Variants in ASPG observed in about 807,000 individuals in gnomAD.
The protein encoded by ASPG is 60 kDa lysophospholipase.
In ASPG, 53 loss-of-function variants were observed where a neutral mutation model predicts 63.2. That is an observed-to-expected ratio of 0.84 (90% CI 0.67 to 1.05). ASPG has a LOEUF of 1.05. Ranked by LOEUF, ASPG falls within the 50% of genes least tolerant of loss-of-function variation. ASPG has a pLI of 0.00. For synonymous variants in ASPG, 370 were observed against 355.0 expected (o/e 1.04, Z -0.48); for missense variants, 741 against 794.4 (o/e 0.93, Z 0.81).
intron 1 of ASPG, 52 bp from the exon 2 acceptor site, chr14:104,092,581 G>A (rs932651044): frequency 1.3e-5 from 19 of 1,430,444 alleles, no homozygotes; most frequent in Admixed American, 7.9e-5. Context: ...GGGAGGAGGC[G>A]GCCATGGCTG....
Position 104,110,046 on chromosome 14 carries a change from T to C in ASPG, c.1520+731T>C. On this transcript the variant is annotated intron_variant, in intron 13 of 15. Transcript: ENST00000551177. This position sits in a 1 kb window ranked among gnomAD's most constrained non-coding sequence, Gnocchi z 4.7. ...AATCGCTGCCCCCCACCCCATGCCT[T>C]GTGCCTGGTGACTTGGCGCTGCCTC... 6.1e-6 allele frequency: 6 copies of C among 985,388 alleles called. No homozygotes were observed. Among genetic ancestry groups the C allele is most frequent in the Non-Finnish European group, 7.2e-6 (6 of 829,908 alleles). 61.0% of individuals were successfully genotyped at this position (985,388 alleles called of 1,614,324 possible).
intron 4 of ASPG, 107 bp from the exon 5 acceptor site, chr14:104,097,447 G>A (rs934641548): frequency 1.4e-5 from 16 of 1,131,246 alleles, no homozygotes; most frequent in Admixed American, 2.5e-5. Flanking sequence ...TCCCACACCC[G>A]CCTGGGGCTC....
chr14:104,097,524 G>A, intron 4 of ASPG, 30 bp from the exon 5 acceptor site: 3 of 1,546,000 alleles, frequency 1.9e-6, no homozygotes, highest in South Asian at 2.4e-5. Flanking sequence ...GGCTTCCCAG[G>A]CCTCAGCTAC....
At position 104,107,275 on chromosome 14, in the gene ASPG, CAG is replaced by C. The variant is rs1402517287; in HGVS notation, c.1368_1369del (p.Gly457CysfsTer69). On this transcript the variant is annotated frameshift_variant, in exon 12 of 16. Transcript: ENST00000551177. LOFTEE classifies it high-confidence loss of function. ...CACAGAGGCAGTCACCATGCTGCTG[CAG>C]AGAGGTGTGGACGTGAACACCCGGG... is the stretch of plus-strand genomic sequence containing the variant. ...GHTEAVTMLL[Q>X]RGVDVNTRDT... 3 of 1,609,356 alleles carry C rather than the reference CAG, an allele frequency of 1.9e-6. No individual in the cohort carries two copies. Among genetic ancestry groups the C allele is most frequent in the African/African-American group, 2.7e-5 (2 of 74,944 alleles).
At chr14:104,105,699 G>A (rs973857011) in intron 10 of ASPG, among the ~76,000 whole-genome samples, 11 of 152,226 alleles carry the variant, frequency 7.2e-5, no homozygotes, top group South Asian at 2.1e-4. Context: ...TCTGACTGGC[G>A]GCGCTGCCTT....
intron 1 of ASPG, among the ~76,000 whole-genome samples, chr14:104,088,784 G>A (rs78757355): frequency 0.013 from 2,011 of 152,258 alleles, 12 homozygotes; most frequent in Middle Eastern, 0.017. Context: ...TGACAGTGGG[G>A]CCCATTGTCT....
At chr14:104,108,495 G>T (rs951396912) in intron 12 of ASPG, 5 of 985,340 alleles carry the variant, frequency 5.1e-6, no homozygotes, top group Non-Finnish European at 6.0e-6. Flanking sequence ...CCTGAGTGGG[G>T]TATGGGGAGG....
intron 4 of ASPG, among the ~76,000 whole-genome samples, chr14:104,096,941 G>A (rs1054724969): frequency 7.2e-5 from 11 of 152,206 alleles, no homozygotes; most frequent in African/African-American, 2.2e-4. Flanking sequence ...CCTGGGACGC[G>A]CTGTTCAGTC....
chr14:104,106,955 C>G, intron 11 of ASPG, 61 bp downstream of exon 11: 3 of 1,487,722 alleles, frequency 2.0e-6, no homozygotes, highest in Non-Finnish European at 2.7e-6. Context: ...GGCTCTGAAC[C>G]CTGTAGGCAG....
At position 104,092,743 on chromosome 14, in the gene ASPG, T is replaced by A; in HGVS notation, c.191+2T>A. ...CTCTGAGGACACCCTGGTGCTACCG[T>A]GAGTGTGGGCTCCTCCCAGTCCCGG... is the stretch of plus-strand genomic sequence containing the variant. On this transcript the variant is annotated splice_donor_variant, in intron 2 of 15. Coordinates refer to ENST00000551177, the MANE Select transcript of ASPG (RefSeq NM_001080464.3). LOFTEE classifies it high-confidence loss of function. 6.5e-7 allele frequency: 1 copy of A among 1,534,822 alleles called. No individual in the cohort carries two copies. The highest frequency in any genetic ancestry group is 1.2e-5 in the South Asian group (1 of 83,962).
intron 7 of ASPG, 34 bp downstream of exon 7, chr14:104,103,709 C>T (rs1281952568): frequency 6.6e-7 from 1 of 1,526,254 alleles, no homozygotes; most frequent in East Asian, 2.5e-5. Flanking sequence ...GCCCCTGCAG[C>T]CCTGAGCCCC....
intron 4 of ASPG, 36 bp downstream of exon 4, chr14:104,095,692 G>A (rs1344944619): frequency 1.2e-6 from 2 of 1,610,138 alleles, no homozygotes; most frequent in African/African-American, 2.7e-5. Context: ...AGGAACAGGG[G>A]CTTCCTGAGG....
intron 1 of ASPG, 110 bp from the exon 2 acceptor site, chr14:104,092,523 A>T: frequency 1.1e-6 from 1 of 906,578 alleles, no homozygotes; most frequent in Non-Finnish European, 1.7e-6. Context: ...TCTGACTGTC[A>T]TAAGACCGGA....
At chr14:104,102,690 G>A (rs2036931402) in intron 6 of ASPG, among the ~76,000 whole-genome samples, 1 of 152,200 alleles carries the variant, frequency 6.6e-6, no homozygotes, top group East Asian at 1.9e-4. Context: ...GGGTTTGGGG[G>A]CCGGGCCTGT....
At chr14:104,103,818 A>T in intron 7 of ASPG, 143 bp downstream of exon 7, 1 of 676,706 alleles carries the variant, frequency 1.5e-6, no homozygotes, top group Non-Finnish European at 2.5e-6. Context: ...TGGCCCCACC[A>T]GCCCCAGGCC....
At chr14:104,096,185 G>A (rs1204418516) in intron 4 of ASPG, among the ~76,000 whole-genome samples, 1 of 152,234 alleles carries the variant, frequency 6.6e-6, no homozygotes, top group Non-Finnish European at 1.5e-5. Context: ...CCAGTAGAGT[G>A]TTCTGGAAAA....
chr14:104,112,207 C>T (rs995137252), intron 15 of ASPG, among the ~76,000 whole-genome samples: 1 of 152,088 alleles, frequency 6.6e-6, no homozygotes, highest in African/African-American at 2.4e-5. Flanking sequence ...AAGGAGCAGT[C>T]AGGGAGGGCT....
At chr14:104,099,012 C>A in intron 6 of ASPG, 33 bp downstream of exon 6, 1 of 1,554,900 alleles carries the variant, frequency 6.4e-7, no homozygotes, top group South Asian at 1.2e-5. Context: ...CAGGTGCCTG[C>A]CCAGTGCTGG....
At chr14:104,105,563 CAGTT>C (rs1379015736) in intron 10 of ASPG, 113 bp downstream of exon 10, 127 of 1,366,686 alleles carry the variant, frequency 9.3e-5, no homozygotes, top group East Asian at 2.6e-4. Context: ...CGAGCCCAAA[CAGTT>C]AGGCACACCC....
Sources: gnomAD v4.1 joint callset for allele counts (sites outside exome capture counted in the v4.1 genomes callset) on GRCh38, gnomAD v4.1.1 for gene constraint, Gnocchi (gnomAD v3.1) non-coding constraint, MANE v1.5 for transcripts, NCBI Gene and HGNC (gene_info 2026-07-23, HGNC 2026-07-21) for gene names.